The following FBXW2 variants were observed in gnomAD, a reference collection of about 807,000 sequenced individuals.
FBXW2 encodes the protein F-box/WD repeat-containing protein 2.
FBXW2 carries 12 observed loss-of-function variants against 46.0 expected under a neutral mutation model. That is an observed-to-expected ratio of 0.26 (90% confidence interval 0.17 to 0.42). FBXW2 has a LOEUF of 0.42. Among genes scored for constraint, FBXW2 ranks in the 10% least tolerant of loss-of-function variants. The pLI, the probability that FBXW2 is intolerant of heterozygous loss-of-function variation, is 1.00. For missense variants in FBXW2, 360 were observed against 537.0 expected (o/e 0.67, Z 3.26); for synonymous variants, 203 against 209.6 (o/e 0.97, Z 0.27).
At chr9:120,780,833 G>A (rs542247441) in intron 3 of FBXW2, among the ~76,000 whole-genome samples, 2 of 152,192 alleles carry the variant, frequency 1.3e-5, no homozygotes, top group South Asian at 4.1e-4. Flanking sequence ...CAGTATAGTA[G>A]CTGGCAGGCA....
rs906417548 is a variant in FBXW2, at chr9:120,764,248, T to C, written c.*311A>G. The C allele has an allele frequency of 3.2e-5, 13 of 406,938 alleles. No individual in the cohort carries two copies. The highest frequency in any genetic ancestry group is 2.4e-4 in the African/African-American group (12 of 49,266). The allele number at this position is 406,938 out of a possible 1,614,324, so 25.2% of individuals were successfully genotyped here. A position where few individuals can be genotyped will look rare whatever the true frequency, so the allele number is the denominator to read the frequency against. On this transcript the variant is annotated 3_prime_UTR_variant, in exon 8 of 8. Coordinates refer to ENST00000608872, the MANE Select transcript of FBXW2 (RefSeq NM_012164.4). ...AGCAGATTAATGGATCATTTAACTT[T>C]CTTTACTTAAAACCAATACTCCACT...
intron 5 of FBXW2, among the ~76,000 whole-genome samples, chr9:120,773,511 C>T (rs2044424681): frequency 6.6e-6 from 1 of 152,080 alleles, no homozygotes; most frequent in African/African-American, 2.4e-5. Flanking sequence ...CATTTAATTA[C>T]AGTAAAGATA....
At chr9:120,783,020 G>A (rs1055744219) in intron 3 of FBXW2, among the ~76,000 whole-genome samples, 13 of 152,018 alleles carry the variant, frequency 8.6e-5, no homozygotes, top group Non-Finnish European at 1.5e-4. Context: ...GCACAACAAC[G>A]TAATGTACTT....
rs76609318 is a variant in FBXW2 at position 120,767,267 on chromosome 9, T to C, written c.1077-2420A>G. ...CATCACTTCTATGAAACTAAGAAAA[T>C]AGTTAACAGGTGCTGGCCCCTGCTT... On this transcript the variant is annotated intron_variant, in intron 7 of 7. Coordinates refer to ENST00000608872, the MANE Select transcript of FBXW2 (RefSeq NM_012164.4). Among the ~76,000 whole-genome samples the C allele has an allele frequency of 3.7e-3, 560 of 152,082 alleles. 4 individuals carry two copies. Among genetic ancestry groups the C allele is most frequent in the African/African-American group, 0.013 (525 of 41,490 alleles).
At chr9:120,779,040 G>A (rs2044557100) in intron 3 of FBXW2, among the ~76,000 whole-genome samples, 1 of 152,170 alleles carries the variant, frequency 6.6e-6, no homozygotes, top group Non-Finnish European at 1.5e-5. Flanking sequence ...CAGAGCCTGG[G>A]CTAACTTCTG....
Position 120,772,793 on chromosome 9 carries a change from T to A in FBXW2, c.867A>T (p.Gly289=). 6.2e-7 allele frequency: 1 copy of A among 1,605,222 alleles called. No individual in the cohort carries two copies. Among genetic ancestry groups the A allele is most frequent in the Non-Finnish European group, 8.5e-7 (1 of 1,177,258 alleles). ...CKVKSLLHSP[G]DYILLSADKY... is the part of the protein sequence containing the mutation. ...TGTCTGCACTTAAGAGGATGTAGTCTCCAGGACTGTGCAAGAGAGACTTGA... is the reference window on the plus strand; with the variant it reads ...TGTCTGCACTTAAGAGGATGTAGTCACCAGGACTGTGCAAGAGAGACTTGA... The change falls in exon 6 of 8, where the codon GGA becomes GGT. Residue 289 remains glycine, a synonymous_variant. Coordinates refer to ENST00000608872, the MANE Select transcript of FBXW2 (RefSeq NM_012164.4).
chr9:120,777,009 T>C (rs897701786), intron 4 of FBXW2, among the ~76,000 whole-genome samples: 7 of 151,896 alleles, frequency 4.6e-5, no homozygotes, highest in African/African-American at 1.5e-4. Context: ...AGAGGCGATA[T>C]TGGAGATGGG....
intron 3 of FBXW2, among the ~76,000 whole-genome samples, chr9:120,779,034 G>A (rs2044556963): frequency 6.6e-6 from 1 of 152,208 alleles, no homozygotes; most frequent in African/African-American, 2.4e-5. Flanking sequence ...AAACCTCAGA[G>A]CCTGGGCTAA....
intron 3 of FBXW2, 49 bp downstream of exon 3, chr9:120,787,720 C>G (rs373082136): frequency 7.8e-6 from 12 of 1,546,474 alleles, no homozygotes; most frequent in Non-Finnish European, 9.6e-6. Context: ...AAGATTACAC[C>G]CTATGAAATA....
rs1318100521 is a variant in FBXW2 at position 120,792,246 on chromosome 9, A to G, written c.-21+903T>C. Among the ~76,000 whole-genome samples the G allele has an allele frequency of 6.6e-5, 10 of 152,282 alleles. No individual in the cohort carries two copies. The East Asian group carries it at 1.9e-3, about 29-fold the overall frequency. ...CAGGACCTTCTGGAAAACAGTGTAA[A>G]TGTGTTTTCCCCTCCTCCTCTATCA... On this transcript the variant is annotated intron_variant, in intron 2 of 7. Transcript: ENST00000608872.
chr9:120,764,984 A>G (rs2044248988), intron 7 of FBXW2, 137 bp from the exon 8 acceptor site: 1 of 726,574 alleles, frequency 1.4e-6, no homozygotes, highest in Admixed American at 3.2e-5. Context: ...GATAAAAAGT[A>G]AAATATAAGG....
chr9:120,776,486 T>C (rs1182467752), intron 4 of FBXW2: 4 of 395,572 alleles, frequency 1.0e-5, no homozygotes, highest in Non-Finnish European at 1.4e-5. Context: ...GCAAAACAAA[T>C]GTTGGAGATA....
intron 2 of FBXW2, among the ~76,000 whole-genome samples, chr9:120,788,842 G>C (rs1215501380): frequency 6.6e-6 from 1 of 152,196 alleles, no homozygotes; most frequent in Admixed American, 6.5e-5. Context: ...CAGATGTTCA[G>C]ATGAAAAGGT....
intron 4 of FBXW2, among the ~76,000 whole-genome samples, chr9:120,777,922 A>C (rs113520821): frequency 6.6e-6 from 1 of 152,168 alleles, no homozygotes. Flanking sequence ...ACACAATCTA[A>C]GAACCACCGT....
intron 3 of FBXW2, among the ~76,000 whole-genome samples, chr9:120,782,638 T>TA (rs1487018461): frequency 2.0e-5 from 3 of 152,040 alleles, no homozygotes; most frequent in South Asian, 2.1e-4. Context: ...GCCCAGGAGT[T>TA]AGAGATCATC....
Position 120,764,397 on chromosome 9 carries a change from C to A in FBXW2, c.*162G>T, listed in dbSNP as rs2044237844. 2.7e-6 allele frequency: 2 copies of A among 738,278 alleles called. No individual in the cohort carries two copies. Among genetic ancestry groups the A allele is most frequent in the Non-Finnish European group, 4.4e-6 (2 of 455,810 alleles). 45.7% of individuals were successfully genotyped at this position (738,278 alleles called of 1,614,324 possible). On this transcript the variant is annotated 3_prime_UTR_variant, in exon 8 of 8. Transcript: ENST00000608872. The stretch of plus-strand genomic sequence containing the variant: ...GTCAATAAAACAAGCCCTCCCCCAC[C>A]CCGAGCCCTGGCCCCTGGCAAAACA...
intron 3 of FBXW2, among the ~76,000 whole-genome samples, chr9:120,784,876 G>T (rs2131361709): frequency 6.7e-6 from 1 of 149,104 alleles, no homozygotes; most frequent in South Asian, 2.1e-4. Flanking sequence ...AGCCGAGACT[G>T]CGCCACTGCA....
At chr9:120,765,377 G>A (rs1415279801) in intron 7 of FBXW2, among the ~76,000 whole-genome samples, 1 of 152,166 alleles carries the variant, frequency 6.6e-6, no homozygotes, top group African/African-American at 2.4e-5. Flanking sequence ...TTACAGGCGT[G>A]AGCCACCGCA....
At chr9:120,773,109 C>T (rs1588032591) in intron 5 of FBXW2, among the ~76,000 whole-genome samples, 2 of 151,914 alleles carry the variant, frequency 1.3e-5, no homozygotes, top group Admixed American at 1.3e-4. Flanking sequence ...ATTGCTTGAG[C>T]CCAGGAGTTG....
Sources: allele counts gnomAD v4.1 joint callset (sites outside exome capture counted in the v4.1 genomes callset), GRCh38; gene constraint gnomAD v4.1.1; transcripts MANE v1.5; gene names NCBI Gene and HGNC (gene_info 2026-07-23, HGNC 2026-07-21).